The following IP6K2 variants were observed in gnomAD, a reference collection of about 807,000 sequenced individuals.
IP6K2 encodes the protein inositol hexakisphosphate kinase 2.
IP6K2 carries 9 observed loss-of-function variants against 43.3 expected under a neutral mutation model. The observed-to-expected ratio is 0.21, with a 90% CI of 0.13 to 0.36. The LOEUF (loss-of-function observed/expected upper bound fraction) is 0.36. Among genes scored for constraint, IP6K2 ranks in the 10% least tolerant of loss-of-function variants. The pLI, the probability that IP6K2 is intolerant of heterozygous loss-of-function variation, is 1.00. For missense variants in IP6K2, 332 were observed against 538.4 expected (o/e 0.62, Z 3.79); for synonymous variants, 209 against 202.4 (o/e 1.03, Z -0.28).
At chr3:48,701,553 G>A (rs2079038063) in intron 1 of IP6K2, among the ~76,000 whole-genome samples, 1 of 98,216 alleles carries the variant, frequency 1.0e-5, no homozygotes, top group Non-Finnish European at 1.8e-5. Flanking sequence ...GGCGACAAGA[G>A]CAAGACTCCG....
At chr3:48,710,630 G>C (rs943139398) in intron 1 of IP6K2, among the ~76,000 whole-genome samples, 2 of 151,594 alleles carry the variant, frequency 1.3e-5, no homozygotes, top group South Asian at 4.1e-4. Flanking sequence ...TTTTTTTTGA[G>C]ACGGAGTCTC....
At chr3:48,698,799 T>C (rs2078698897) in intron 1 of IP6K2, among the ~76,000 whole-genome samples, 1 of 151,756 alleles carries the variant, frequency 6.6e-6, no homozygotes, top group African/African-American at 2.4e-5. Flanking sequence ...CTCAGCTAGG[T>C]GTAGTGGTGC....
At chr3:48,711,891 C>T (rs1340478425) in intron 1 of IP6K2, among the ~76,000 whole-genome samples, 1 of 152,056 alleles carries the variant, frequency 6.6e-6, no homozygotes, top group East Asian at 1.9e-4. Flanking sequence ...CAGAGCCAAG[C>T]ATATAACTCC....
At position 48,688,053 on chromosome 3, in the gene IP6K2, G is replaced by A. The variant is rs2077493077; in HGVS notation, c.*220C>T. Reference sequence around the variant, plus strand: ...AGAACATATACACTCAGGGAAGAAAGAGGTATCATCATCAAATGTGGAATG... The same window carrying A: ...AGAACATATACACTCAGGGAAGAAAAAGGTATCATCATCAAATGTGGAATG... On this transcript the variant is annotated 3_prime_UTR_variant, in exon 6 of 6. Transcript: ENST00000328631. The surrounding 1 kb of genome is among the most constrained non-coding windows in gnomAD (Gnocchi z 5.1). 1 of 586,526 alleles carries A rather than the reference G, an allele frequency of 1.7e-6. No individual in the cohort carries two copies. The highest frequency in any genetic ancestry group is 1.9e-5 in the African/African-American group (1 of 53,610). The allele number at this position is 586,526 out of a possible 1,614,324, so 36.3% of individuals were successfully genotyped here. A position where few individuals can be genotyped will look rare whatever the true frequency, so the allele number is the denominator to read the frequency against.
Position 48,689,694 on chromosome 3 carries a change from G to A in IP6K2, c.624C>T (p.Asn208=). ...AAGGCACCTCGTAGCGGGAAGTCAG[G>A]TTTTCCAGTAAGATAAATTCTGAGT... ...RNQYKFILLE[N]LTSRYEVPCV... is the part of the protein sequence containing the mutation. Residue 208 remains asparagine (N), a synonymous_variant, in exon 5 of 6, where the codon AAC becomes AAT. Transcript: ENST00000328631. 2 of 1,613,970 alleles carry A rather than the reference G, an allele frequency of 1.2e-6. No homozygotes were observed. Among genetic ancestry groups the A allele is most frequent in the Non-Finnish European group, 1.7e-6 (2 of 1,179,880 alleles).
intron 1 of IP6K2, among the ~76,000 whole-genome samples, chr3:48,696,180 G>A (rs940647936): frequency 2.0e-5 from 3 of 151,832 alleles, no homozygotes; most frequent in African/African-American, 7.3e-5. Context: ...ACCGCACCCA[G>A]CCCCATTAAT....
Position 48,688,555 on chromosome 3 carries a change from G to A in IP6K2, c.999C>T (p.Val333=). The A allele has an allele frequency of 6.2e-7, 1 of 1,614,218 alleles. No individual in the cohort carries two copies. The highest frequency in any genetic ancestry group is 8.5e-7 in the Non-Finnish European group (1 of 1,180,052). The change falls in exon 6 of 6, where the codon GTC becomes GTT. Residue 333 remains valine (V), a synonymous_variant. Coordinates refer to ENST00000328631, the MANE Select transcript of IP6K2 (RefSeq NM_016291.4). The surrounding 1 kb of genome is among the most constrained non-coding windows in gnomAD (Gnocchi z 5.1). ...CGGGCCGCTCCTTGCCATCATAAAT[G>A]ACCAGCAGGGAGCTTGAGTAGAAGC... ...SYRFYSSSLL[V]IYDGKERPEV... is the part of the protein sequence containing the mutation.
chr3:48,715,113 A>G (rs2081046150), intron 1 of IP6K2, among the ~76,000 whole-genome samples: 1 of 152,248 alleles, frequency 6.6e-6, no homozygotes, highest in Non-Finnish European at 1.5e-5. Context: ...GTACACAAAT[A>G]GGCAAAAACA....
intron 2 of IP6K2, chr3:48,694,323 A>G: frequency 3.2e-6 from 5 of 1,550,016 alleles, no homozygotes; most frequent in Non-Finnish European, 4.4e-6. Flanking sequence ...TATTCAGAGT[A>G]CAGAGAAAGG....
chr3:48,694,943 G>GC, intron 2 of IP6K2, 147 bp downstream of exon 2: 1 of 1,565,818 alleles, frequency 6.4e-7, no homozygotes, highest in African/African-American at 1.4e-5. Context: ...TGGGCTGAGG[G>GC]CCAGGAGGAG....
At chr3:48,705,868 A>T (rs1317971997) in intron 1 of IP6K2, among the ~76,000 whole-genome samples, 1 of 143,412 alleles carries the variant, frequency 7.0e-6, no homozygotes, top group African/African-American at 2.5e-5. Context: ...AATAAAAAAT[A>T]AAAAAAATAA....
intron 1 of IP6K2, among the ~76,000 whole-genome samples, chr3:48,710,977 C>T (rs1465847858): frequency 1.3e-5 from 2 of 152,150 alleles, no homozygotes; most frequent in African/African-American, 4.8e-5. Flanking sequence ...GGTGTAATCA[C>T]AGCTCACTGC....
At chr3:48,692,067 A>T (rs1329802690) in intron 3 of IP6K2, among the ~76,000 whole-genome samples, 12 of 152,100 alleles carry the variant, frequency 7.9e-5, no homozygotes, top group Admixed American at 7.9e-4. Flanking sequence ...TCCTGACCTC[A>T]GGTGATCCGC....
At chr3:48,714,385 T>TTG (rs965888621) in intron 1 of IP6K2, among the ~76,000 whole-genome samples, 69 of 149,866 alleles carry the variant, frequency 4.6e-4, no homozygotes, top group African/African-American at 8.7e-4. Flanking sequence ...TTCCTTTTTT[T>TTG]TGTGTGTGTG....
At chr3:48,698,470 TTTTTTTG>T (rs1243403583) in intron 1 of IP6K2, among the ~76,000 whole-genome samples, 1 of 151,750 alleles carries the variant, frequency 6.6e-6, no homozygotes, top group Non-Finnish European at 1.5e-5. Flanking sequence ...ATCTCTACAA[TTTTTTTG>T]TTTTTTAATT....
At chr3:48,706,377 G>A (rs1427303940) in intron 1 of IP6K2, among the ~76,000 whole-genome samples, 1 of 152,182 alleles carries the variant, frequency 6.6e-6, no homozygotes. Flanking sequence ...TTGAGCCCAG[G>A]AGTCTGAGGC....
Position 48,695,440 on chromosome 3 carries a change from A to C in IP6K2, c.-130-19T>G, listed in dbSNP as rs2078222394. 3 of 1,410,448 alleles carry C rather than the reference A, an allele frequency of 2.1e-6. No individual in the cohort carries two copies. Among genetic ancestry groups the C allele is most frequent in the Non-Finnish European group, 2.8e-6 (3 of 1,080,140 alleles). The allele number at this position is 1,410,448 out of a possible 1,614,324, so 87.4% of individuals were successfully genotyped here. Reference sequence around the variant, plus strand: ...TGCTCTGCTGGAAGCAAACAAAATGATGACATGGGGGTTCGAAGTAGCGTG... The same window carrying C: ...TGCTCTGCTGGAAGCAAACAAAATGCTGACATGGGGGTTCGAAGTAGCGTG... On this transcript the variant is annotated intron_variant, in intron 1 of 5. Coordinates refer to ENST00000328631, the MANE Select transcript of IP6K2 (RefSeq NM_016291.4). This position sits in a 1 kb window ranked among gnomAD's most constrained non-coding sequence, Gnocchi z 4.6.
Position 48,693,194 on chromosome 3 carries a change from G to A in IP6K2, c.203-15C>T. 1.3e-6 allele frequency: 2 copies of A among 1,594,614 alleles called. No individual in the cohort carries two copies. The highest frequency in any genetic ancestry group is 1.7e-6 in the Non-Finnish European group (2 of 1,162,604). On this transcript the variant is annotated splice_polypyrimidine_tract_variant and intron_variant, in intron 2 of 5. Coordinates refer to ENST00000328631, the MANE Select transcript of IP6K2 (RefSeq NM_016291.4). ...AGATACCACACCTGGAAGGGGGTGA[G>A]GAGCAGAAAGAACTTTTAATTTAGC...
intron 2 of IP6K2, chr3:48,694,359 ACAATGTTTCAACAGTCC>A: frequency 6.5e-6 from 10 of 1,545,660 alleles, no homozygotes; most frequent in Non-Finnish European, 8.7e-6. Flanking sequence ...GTCCTTAAAG[ACAATGTTTCAACAGTCC>A]CAAAAGAACC....
Sources: gnomAD v4.1 joint callset for allele counts (sites outside exome capture counted in the v4.1 genomes callset) on GRCh38, gnomAD v4.1.1 for gene constraint, Gnocchi (gnomAD v3.1) non-coding constraint, MANE v1.5 for transcripts, NCBI Gene and HGNC (gene_info 2026-07-23, HGNC 2026-07-21) for gene names.